Variants in NTRK2 observed in about 807,000 individuals in gnomAD.
The protein encoded by NTRK2 is neurotrophic receptor tyrosine kinase 2.
NTRK2 carries 13 observed loss-of-function variants against 94.5 expected under a neutral mutation model. The observed-to-expected ratio is 0.14, with a 90% confidence interval of 0.09 to 0.22. NTRK2 has a LOEUF of 0.22. Among genes scored for constraint, NTRK2 ranks in the 10% least tolerant of loss-of-function variants. NTRK2 has a pLI of 1.00. For missense variants in NTRK2, 639 were observed against 1,071.2 expected, an observed-to-expected ratio of 0.60 and a Z score of 5.63; for synonymous variants, 372 against 407.4, an observed-to-expected ratio of 0.91 and a Z score of 1.05.
intron 12 of NTRK2, among the ~76,000 whole-genome samples, chr9:84,856,745 A>G (rs1051486392): frequency 1.3e-5 from 2 of 152,112 alleles, no homozygotes; most frequent in Non-Finnish European, 2.9e-5. Context: ...TGGTAAAGTC[A>G]TTTTTCTTGG....
At chr9:84,816,190 T>C (rs1187061752) in intron 12 of NTRK2, among the ~76,000 whole-genome samples, 1 of 152,066 alleles carries the variant, frequency 6.6e-6, no homozygotes, top group Non-Finnish European at 1.5e-5. Flanking sequence ...GAGGGGAATA[T>C]GTTGGATGTA....
intron 12 of NTRK2, among the ~76,000 whole-genome samples, chr9:84,803,364 G>T (rs1365354161): frequency 6.6e-6 from 1 of 152,216 alleles, no homozygotes; most frequent in Non-Finnish European, 1.5e-5. Context: ...AAGCCTGGAA[G>T]CTCCCTGCTC....
chr9:84,803,082 T>A (rs2070694820), intron 12 of NTRK2, among the ~76,000 whole-genome samples: 1 of 152,096 alleles, frequency 6.6e-6, no homozygotes. Context: ...TGATCACCAT[T>A]TCAACCTAAG....
At chr9:84,858,874 G>T (rs577580105) in intron 12 of NTRK2, among the ~76,000 whole-genome samples, 2 of 150,652 alleles carry the variant, frequency 1.3e-5, no homozygotes, top group East Asian at 3.9e-4. Context: ...AAAAAAGAAT[G>T]AAAAAAAAAC....
chr9:84,853,941 G>T (rs2074920629), intron 12 of NTRK2, among the ~76,000 whole-genome samples: 1 of 152,082 alleles, frequency 6.6e-6, no homozygotes, highest in African/African-American at 2.4e-5. Flanking sequence ...TTAGCCAGGT[G>T]TGGTGGCACA....
At chr9:84,991,185 A>T (rs185378153) in intron 17 of NTRK2, among the ~76,000 whole-genome samples, 272 of 152,362 alleles carry the variant, frequency 1.8e-3, no homozygotes, top group Non-Finnish European at 3.0e-3. Context: ...ATTTTCTAGC[A>T]GAGCAAAAAC....
intron 8 of NTRK2, among the ~76,000 whole-genome samples, chr9:84,724,928 T>C (rs1364692472): frequency 6.6e-6 from 1 of 152,224 alleles, no homozygotes; most frequent in Non-Finnish European, 1.5e-5. Context: ...GAATCTAAGT[T>C]CAAAGATATC....
intron 2 of NTRK2, among the ~76,000 whole-genome samples, chr9:84,692,158 C>T (rs540845543): frequency 1.3e-4 from 20 of 152,210 alleles, no homozygotes; most frequent in African/African-American, 4.8e-4. Flanking sequence ...TCGTGGATTA[C>T]TGTGACCTAT....
At chr9:85,020,453 AT>A (rs1375792820) in intron 18 of NTRK2, 89 bp downstream of exon 18, 1 of 1,353,410 alleles carries the variant, frequency 7.4e-7, no homozygotes, top group African/African-American at 1.4e-5. Flanking sequence ...TTGGAAGACC[AT>A]GTCAGGACAC....
At chr9:84,905,964 G>A (rs542355539) in intron 14 of NTRK2, among the ~76,000 whole-genome samples, 1 of 152,324 alleles carries the variant, frequency 6.6e-6, no homozygotes, top group South Asian at 2.1e-4. Flanking sequence ...GAGGTATAAA[G>A]AACATGAGTG....
chr9:84,880,234 T>A (rs1025386404), intron 14 of NTRK2, among the ~76,000 whole-genome samples: 3 of 152,162 alleles, frequency 2.0e-5, no homozygotes, highest in African/African-American at 7.2e-5. Context: ...GAATTCAAAG[T>A]GTGCCAACTG....
chr9:84,899,861 A>G (rs958040587), intron 14 of NTRK2, among the ~76,000 whole-genome samples: 2 of 152,218 alleles, frequency 1.3e-5, no homozygotes, highest in Middle Eastern at 3.2e-3. Context: ...ACTACAGGAT[A>G]CTAGTTCCCT....
chr9:84,824,732 C>T (rs190371617), intron 12 of NTRK2, among the ~76,000 whole-genome samples: 309 of 152,292 alleles, frequency 2.0e-3, no homozygotes, highest in Non-Finnish European at 3.4e-3. Context: ...CACACTTGTC[C>T]GCTGCTGGAA....
At chr9:84,841,891 C>T (rs1033936248) in intron 12 of NTRK2, among the ~76,000 whole-genome samples, 1 of 152,224 alleles carries the variant, frequency 6.6e-6, no homozygotes, top group Non-Finnish European at 1.5e-5. Flanking sequence ...AAAGAATGAA[C>T]ATCCCAGGTT....
chr9:84,928,492 G>T (rs1343740944), intron 14 of NTRK2, among the ~76,000 whole-genome samples: 1 of 152,120 alleles, frequency 6.6e-6, no homozygotes, highest in African/African-American at 2.4e-5. Context: ...TCAACTAAAT[G>T]AAATACCTGT....
chr9:84,724,937 T>G (rs543773902), intron 8 of NTRK2, among the ~76,000 whole-genome samples: 2 of 152,214 alleles, frequency 1.3e-5, no homozygotes, highest in Admixed American at 6.5e-5. Context: ...TTCAAAGATA[T>G]CCCTCTTTTT....
At chr9:84,980,589 G>C (rs1051900367) in intron 17 of NTRK2, among the ~76,000 whole-genome samples, 30 of 152,178 alleles carry the variant, frequency 2.0e-4, no homozygotes, top group Admixed American at 1.3e-3. Flanking sequence ...ATAAAACACT[G>C]TCCCTAGGTG....
chr9:84,931,322 G>T (rs1215967104), intron 14 of NTRK2, among the ~76,000 whole-genome samples: 1 of 151,862 alleles, frequency 6.6e-6, no homozygotes, highest in East Asian at 1.9e-4. Context: ...CAGAAGAATT[G>T]CTTGAACCTG....
intron 1 of NTRK2, 96 bp from the exon 2 acceptor site, chr9:84,670,281 T>G: frequency 7.9e-6 from 2 of 251,586 alleles, no homozygotes; most frequent in South Asian, 1.4e-4. Context: ...CGGGCTGGGG[T>G]CGGGGTGGGG....
Sources: gnomAD v4.1 joint callset for allele counts (sites outside exome capture counted in the v4.1 genomes callset) on GRCh38, gnomAD v4.1.1 for gene constraint, MANE v1.5 for transcripts, NCBI Gene and HGNC (gene_info 2026-07-23, HGNC 2026-07-21) for gene names.